Variants in TNS1 observed in about 807,000 individuals in gnomAD.
The protein encoded by TNS1 is tensin 1.
In TNS1, 62 loss-of-function variants were observed where a neutral mutation model predicts 168.6. The ratio of observed to expected loss-of-function variants is 0.37; its 90% CI spans 0.30 to 0.45. TNS1 has a LOEUF of 0.45. Ranked by LOEUF, TNS1 falls within the 20% of genes least tolerant of loss-of-function variation. The pLI is 1.00. For synonymous variants in TNS1, 934 were observed against 933.2 expected (o/e 1.00, Z -0.02); for missense variants, 2,240 against 2,339.4 (o/e 0.96, Z 0.88).
chr2:217,985,374 G>A (rs1958169655), intron 2 of TNS1: 2 of 152,050 alleles, frequency 1.3e-5, no homozygotes. Context: ...AGTACCTGAT[G>A]AGGGAGGTAC....
At position 217,817,981 on chromosome 2, in the gene TNS1, C is replaced by T. The variant is rs766253684; in HGVS notation, c.4351G>A (p.Ala1451Thr). The change falls in exon 24 of 33, where the codon GCT becomes ACT. Residue 1451 changes from alanine to threonine, a missense_variant. By Grantham distance (58) the Ala-to-Thr change is moderately conservative. Around this residue, in one of 2 missense-constraint regions of TNS1, gnomAD observed 2,131 missense variants for 2,171.2 expected, o/e 0.98. Coordinates refer to ENST00000682258, the MANE Select transcript of TNS1 (RefSeq NM_001387777.1). ...ACAGGGAAGGAGGGCGTGGAAGGAG[C>T]CTGGTAGCCAGAGGCACTGCTCTGC... ...SRQSSASGYQ[A>T]PSTPSFPVSP... The T allele has an allele frequency of 1.2e-6, 2 of 1,600,572 alleles. No individual in the cohort carries two copies. The highest frequency in any genetic ancestry group is 1.1e-5 in the South Asian group (1 of 89,316).
chr2:217,809,560 GATGGATGGATGGATGGATAGGTGC>G (rs1940362672), intron 30 of TNS1, among the ~76,000 whole-genome samples: 3 of 57,758 alleles, frequency 5.2e-5, no homozygotes, highest in Non-Finnish European at 1.0e-4. Context: ...TGGATGGATG[GATGGATGGATGGATGGATAGGTGC>G]ATGGATGGAT....
chr2:217,829,153 A>T (rs1944031562), intron 22 of TNS1, among the ~76,000 whole-genome samples: 3 of 152,010 alleles, frequency 2.0e-5, no homozygotes. Context: ...AGGTGGGTGG[A>T]TCGCCTAAGG....
chr2:217,808,424 T>C (rs35136714), intron 31 of TNS1, among the ~76,000 whole-genome samples, 179 bp downstream of exon 31: 37,749 of 151,910 alleles, frequency 0.25, 5,191 homozygotes, highest in Middle Eastern at 0.35. Context: ...TCCATATCTA[T>C]AGTGGGAAAG....
intron 4 of TNS1, among the ~76,000 whole-genome samples, chr2:217,918,490 CCTT>C (rs1955362441): frequency 6.6e-6 from 1 of 152,206 alleles, no homozygotes; most frequent in Admixed American, 6.5e-5. Flanking sequence ...AGACACGCAG[CCTT>C]GCTCAGGCAC....
rs1254995010 is a variant in TNS1 at position 217,818,761 on chromosome 2, T to C, written c.3573-2A>G. ...GACGGGAAACTCCCCACTGAAGTGC[T>C]GCAGAGAGATGGCAGGTTGCGATGT... On this transcript the variant is annotated splice_acceptor_variant, in intron 23 of 32. Coordinates refer to ENST00000682258, the MANE Select transcript of TNS1 (RefSeq NM_001387777.1). LOFTEE classifies it high-confidence loss of function. 6.2e-7 allele frequency: 1 copy of C among 1,602,754 alleles called. No individual in the cohort carries two copies. The highest frequency in any genetic ancestry group is 8.5e-7 in the Non-Finnish European group (1 of 1,173,690).
In TNS1 at chr2:217,897,467, G is replaced by T. The variant is rs116990415; in HGVS notation, c.543+331C>A. ...TAGGGCTGCTGCAAAGGTTAAGTGC[G>T]TGGAAAGCAGTTGGAACAGGGCCTG... On this transcript the variant is annotated intron_variant, in intron 8 of 32. Coordinates refer to ENST00000682258, the MANE Select transcript of TNS1 (RefSeq NM_001387777.1). Among the ~76,000 whole-genome samples the T allele has an allele frequency of 5.9e-4, 90 of 152,324 alleles. 1 individual carries two copies. In the East Asian group the frequency reaches 0.015, roughly 25 times the overall value.
intron 3 of TNS1, among the ~76,000 whole-genome samples, chr2:217,973,562 T>G (rs972472185): frequency 2.0e-5 from 3 of 152,134 alleles, no homozygotes; most frequent in Non-Finnish European, 4.4e-5. Flanking sequence ...GATTCCTGGC[T>G]CTGACCCAGG....
chr2:218,003,032 CCCTCCT>C, upstream of TNS1: 2 of 414,724 alleles, frequency 4.8e-6, no homozygotes, highest in Non-Finnish European at 9.7e-6. Flanking sequence ...AGCTCACCCT[CCCTCCT>C]CCTCCTCCTC....
At chr2:217,907,375 C>T (rs2125794094) in intron 4 of TNS1, 124 bp from the exon 5 acceptor site, 2 of 659,826 alleles carry the variant, frequency 3.0e-6, no homozygotes, top group Middle Eastern at 2.9e-4. Context: ...TGAGGCCAAC[C>T]CAAGACTCAG....
At chr2:217,983,488 C>A (rs537806038) in intron 2 of TNS1, among the ~76,000 whole-genome samples, 2 of 152,234 alleles carry the variant, frequency 1.3e-5, no homozygotes, top group East Asian at 3.9e-4. Flanking sequence ...GGGAAGGGAC[C>A]CTTAGATTAC....
chr2:217,897,984 G>A lies in TNS1; in HGVS notation c.372-15C>T, dbSNP rs1952502884. The A allele has an allele frequency of 1.3e-6, 2 of 1,593,122 alleles. No individual in the cohort carries two copies. The highest frequency in any genetic ancestry group is 1.7e-6 in the Non-Finnish European group (2 of 1,169,244). On this transcript the variant is annotated splice_polypyrimidine_tract_variant and intron_variant, in intron 7 of 32. Transcript: ENST00000682258. ...CACTCATGTTTCTAGGGAGACAGCA[G>A]GCAGCGGAGGGTCCATATCAGAATC...
chr2:217,917,028 C>T (rs1279812728), intron 4 of TNS1, among the ~76,000 whole-genome samples: 1 of 152,196 alleles, frequency 6.6e-6, no homozygotes, highest in Non-Finnish European at 1.5e-5. Flanking sequence ...GTTCAAAGCA[C>T]TTGCCTCGCC....
chr2:217,951,328 T>C (rs961430569), intron 3 of TNS1, among the ~76,000 whole-genome samples: 2 of 152,186 alleles, frequency 1.3e-5, no homozygotes, highest in Non-Finnish European at 2.9e-5. Context: ...GAATTACGAT[T>C]CATCTCTCTG....
chr2:217,885,691 G>C, intron 15 of TNS1, 53 bp downstream of exon 15: 2 of 1,568,116 alleles, frequency 1.3e-6, no homozygotes, highest in Non-Finnish European at 8.8e-7. Context: ...AGTAAGAAAA[G>C]AAGGGAGAGA....
intron 3 of TNS1, among the ~76,000 whole-genome samples, chr2:217,970,168 C>A (rs1205999366): frequency 6.6e-6 from 1 of 152,088 alleles, no homozygotes; most frequent in Non-Finnish European, 1.5e-5. Context: ...AAGGAAGGGC[C>A]CCTGCAGGTT....
At chr2:217,861,816 G>A (rs778819624) in intron 18 of TNS1, among the ~76,000 whole-genome samples, 2 of 152,224 alleles carry the variant, frequency 1.3e-5, no homozygotes, top group African/African-American at 2.4e-5. Context: ...GTAGTGCAGC[G>A]TGGGCTTCCC....
chr2:217,829,581 T>C (rs1055611373), intron 22 of TNS1, among the ~76,000 whole-genome samples: 4 of 152,038 alleles, frequency 2.6e-5, no homozygotes, highest in East Asian at 1.9e-4. Flanking sequence ...AGCGTTTTGG[T>C]CAACAAGGTG....
intron 9 of TNS1, among the ~76,000 whole-genome samples, chr2:217,894,087 A>G (rs1232405718): frequency 1.3e-5 from 2 of 152,222 alleles, no homozygotes; most frequent in Non-Finnish European, 2.9e-5. Context: ...CAGGCCAGCC[A>G]AGAGCAGCCT....
Sources: allele counts gnomAD v4.1 joint callset (sites outside exome capture counted in the v4.1 genomes callset), GRCh38; gene constraint gnomAD v4.1.1; regional missense constraint gnomAD v4.1.1; transcripts MANE v1.5; gene names NCBI Gene and HGNC (gene_info 2026-07-23, HGNC 2026-07-21).